The following PCDHGA9 variants were observed in gnomAD, a reference collection of about 807,000 sequenced individuals.
PCDHGA9 encodes the protein protocadherin gamma-A9.
In PCDHGA9, 37 loss-of-function variants were observed where a neutral mutation model predicts 62.5. The ratio of observed to expected loss-of-function variants is 0.59; its 90% CI spans 0.46 to 0.78. The LOEUF (loss-of-function observed/expected upper bound fraction) is 0.78, where lower values mean the gene tolerates loss of function less well. PCDHGA9 is among the 30% of genes least tolerant of loss of function. The pLI, the probability that PCDHGA9 is intolerant of heterozygous loss-of-function variation, is 0.00. For missense variants in PCDHGA9, 1,138 were observed against 1,166.2 expected, an observed-to-expected ratio of 0.98 and a Z score of 0.35; for synonymous variants, 459 against 484.6, an observed-to-expected ratio of 0.95 and a Z score of 0.69.
Position 141,486,446 on chromosome 5 carries a change from G to T in PCDHGA9, c.2425-8361G>T. ...GGCCAAATCTAGCTATGACATCATGGTCACTGCTTCTGATGCTGGGAACCC... is the reference window on the plus strand; with the variant it reads ...GGCCAAATCTAGCTATGACATCATGTTCACTGCTTCTGATGCTGGGAACCC... On this transcript the variant is annotated intron_variant, in intron 1 of 3. Coordinates refer to ENST00000573521, the MANE Select transcript of PCDHGA9 (RefSeq NM_018921.3). The surrounding 1 kb of genome is among the most constrained non-coding windows in gnomAD (Gnocchi z 5.0). 2 of 1,614,126 alleles carry T rather than the reference G, an allele frequency of 1.2e-6. No individual in the cohort carries two copies. Among genetic ancestry groups the T allele is most frequent in the Non-Finnish European group, 1.7e-6 (2 of 1,180,004 alleles).
intron 1 of PCDHGA9, among the ~76,000 whole-genome samples, chr5:141,480,259 G>A (rs1285833242): frequency 2.0e-5 from 3 of 151,174 alleles, no homozygotes; most frequent in African/African-American, 7.3e-5. Flanking sequence ...AAAAAAATGT[G>A]TTTTCATTAG....
chr5:141,460,505 A>T (rs1430823912), intron 1 of PCDHGA9, among the ~76,000 whole-genome samples: 1 of 152,150 alleles, frequency 6.6e-6, no homozygotes, highest in Non-Finnish European at 1.5e-5. Context: ...ATATGCTGAG[A>T]AGGCTATCTT....
At chr5:141,429,500 A>C (rs1050435175) in intron 1 of PCDHGA9, among the ~76,000 whole-genome samples, 1 of 152,148 alleles carries the variant, frequency 6.6e-6, no homozygotes, top group Non-Finnish European at 1.5e-5. Flanking sequence ...CAGTTGCCTG[A>C]AACTGTGCCT....
At chr5:141,475,571 G>A (rs1426547386) in intron 1 of PCDHGA9, among the ~76,000 whole-genome samples, 1 of 152,212 alleles carries the variant, frequency 6.6e-6, no homozygotes, top group East Asian at 1.9e-4. Context: ...CTTCCAACAA[G>A]CCAGATTTGT....
chr5:141,418,248 C>T (rs372067603), intron 1 of PCDHGA9: 7 of 1,613,882 alleles, frequency 4.3e-6, no homozygotes, highest in African/African-American at 1.3e-5. Flanking sequence ...AATGACCACG[C>T]CCCTCAATTC....
intron 1 of PCDHGA9, chr5:141,410,207 C>T: frequency 6.2e-7 from 1 of 1,614,024 alleles, no homozygotes; most frequent in African/African-American, 1.3e-5. Context: ...AGACAACTTG[C>T]AAGAGATACT....
Position 141,403,879 on chromosome 5 carries a change from T to C in PCDHGA9, c.927T>C (p.Tyr309=), listed in dbSNP as rs981085034. 1.2e-5 allele frequency: 19 copies of C among 1,613,692 alleles called. No homozygotes were observed. The highest frequency in any genetic ancestry group is 1.6e-5 in the Non-Finnish European group (19 of 1,179,882). The stretch of plus-strand genomic sequence containing the variant: ...TATCAACAGCAAAAAGTCTAGATTA[T>C]GAAGAATGTTCATTTTATGAAATGG... ...GEISTAKSLD[Y]EECSFYEMEI... The change falls in exon 1 of 4, where the codon TAT becomes TAC. Residue 309 remains tyrosine, a synonymous_variant. Transcript: ENST00000573521.
chr5:141,421,455 C>A (rs762490406), intron 1 of PCDHGA9: 1 of 1,614,108 alleles, frequency 6.2e-7, no homozygotes, highest in South Asian at 1.1e-5. Flanking sequence ...CACAGCTTTT[C>A]GCTGTGAATC....
At chr5:141,442,754 T>C (rs2098341364) in intron 1 of PCDHGA9, among the ~76,000 whole-genome samples, 1 of 152,220 alleles carries the variant, frequency 6.6e-6, no homozygotes, top group Non-Finnish European at 1.5e-5. Flanking sequence ...GTTTTGATTA[T>C]ATATATTTGT....
At position 141,485,291 on chromosome 5, in the gene PCDHGA9, C is replaced by A. The variant is rs114678203; in HGVS notation, c.2425-9516C>A. 436 of 1,614,150 alleles carry A rather than the reference C, an allele frequency of 2.7e-4. No homozygotes were observed. Among genetic ancestry groups the A allele is most frequent in the Middle Eastern group, 8.2e-4 (5 of 6,062 alleles). Reference sequence around the variant, plus strand: ...CCGCTACCCGGTCCCAGAGGAGTCACAGGAAGGGACTTTTGTAGGGAATGT... The same window carrying A: ...CCGCTACCCGGTCCCAGAGGAGTCAAAGGAAGGGACTTTTGTAGGGAATGT... On this transcript the variant is annotated intron_variant, in intron 1 of 3. Coordinates refer to ENST00000573521, the MANE Select transcript of PCDHGA9 (RefSeq NM_018921.3). The surrounding 1 kb of genome is among the most constrained non-coding windows in gnomAD (Gnocchi z 5.7).
At chr5:141,494,188 T>C (rs2099752632) in intron 1 of PCDHGA9, among the ~76,000 whole-genome samples, 1 of 152,186 alleles carries the variant, frequency 6.6e-6, no homozygotes, top group South Asian at 2.1e-4. Flanking sequence ...GTCCCGGGAC[T>C]TGGATGCCCC....
Position 141,477,447 on chromosome 5 carries a change from G to T in PCDHGA9, c.2425-17360G>T, listed in dbSNP as rs779097830. The T allele has an allele frequency of 6.2e-7, 1 of 1,614,098 alleles. No homozygotes were observed. Among genetic ancestry groups the T allele is most frequent in the Non-Finnish European group, 8.5e-7 (1 of 1,180,016 alleles). ...TCCCTCTCAGCCCTTACAATAGTGCGTGTTCAAGTGTCCGACATCAATGAC... is the reference window on the plus strand; with the variant it reads ...TCCCTCTCAGCCCTTACAATAGTGCTTGTTCAAGTGTCCGACATCAATGAC... On this transcript the variant is annotated intron_variant, in intron 1 of 3. Coordinates refer to ENST00000573521, the MANE Select transcript of PCDHGA9 (RefSeq NM_018921.3). This position sits in a 1 kb window ranked among gnomAD's most constrained non-coding sequence, Gnocchi z 4.9.
chr5:141,425,897 A>G (rs893972047), intron 1 of PCDHGA9, among the ~76,000 whole-genome samples: 1 of 152,240 alleles, frequency 6.6e-6, no homozygotes, highest in African/African-American at 2.4e-5. Context: ...TTTGGTAGTA[A>G]ACACTGGAAA....
intron 1 of PCDHGA9, among the ~76,000 whole-genome samples, chr5:141,468,791 G>A (rs941787269): frequency 2.6e-5 from 4 of 151,954 alleles, no homozygotes; most frequent in East Asian, 3.9e-4. Context: ...GCGTGAACCC[G>A]GGAGGCGGAA....
At chr5:141,457,098 T>G (rs1179930043) in intron 1 of PCDHGA9, among the ~76,000 whole-genome samples, 1 of 152,242 alleles carries the variant, frequency 6.6e-6, no homozygotes, top group Non-Finnish European at 1.5e-5. Flanking sequence ...AGGATACTAA[T>G]TAAGCAAAAT....
chr5:141,500,345 A>G (rs1459262760), intron 2 of PCDHGA9, among the ~76,000 whole-genome samples: 3 of 151,916 alleles, frequency 2.0e-5, no homozygotes, highest in Non-Finnish European at 4.4e-5. Context: ...AATAGCTGGG[A>G]CTACAGGCGC....
rs2094523935 is a variant in PCDHGA9 at position 141,404,396 on chromosome 5, A to C, written c.1444A>C (p.Asn482His). 1.2e-6 allele frequency: 2 copies of C among 1,613,816 alleles called. No homozygotes were observed. Among genetic ancestry groups the C allele is most frequent in the Non-Finnish European group, 1.7e-6 (2 of 1,179,864 alleles). The change falls in exon 1 of 4, where the codon AAT (asparagine) becomes CAT (histidine). Residue 482 changes from asparagine to histidine, a missense_variant. Physicochemically the swap from Asn to His is moderately conservative, Grantham distance 68. Coordinates refer to ENST00000573521, the MANE Select transcript of PCDHGA9 (RefSeq NM_018921.3). The stretch of plus-strand genomic sequence containing the variant: ...CGTGATTGCCTATGACCCTGATAGC[A>C]ATGAGAATTCTAGAGTTATTTACTC... Reference protein sequence around the residue: ...FSVIAYDPDSNENSRVIYSLA... With the variant: ...FSVIAYDPDSHENSRVIYSLA...
chr5:141,422,172 C>A, intron 1 of PCDHGA9: 2 of 1,564,780 alleles, frequency 1.3e-6, no homozygotes, highest in Non-Finnish European at 1.7e-6. Context: ...AATATAGATT[C>A]TATGAGATGG....
At chr5:141,483,273 T>G (rs6860615) in intron 1 of PCDHGA9, among the ~76,000 whole-genome samples, 62,442 of 151,936 alleles carry the variant, frequency 0.41, 15,417 homozygotes, top group African/African-American at 0.7. Flanking sequence ...GTTTTAGAAA[T>G]ATTATTCTGT....
Sources: gnomAD v4.1 joint callset for allele counts (sites outside exome capture counted in the v4.1 genomes callset) on GRCh38, gnomAD v4.1.1 for gene constraint, Gnocchi (gnomAD v3.1) non-coding constraint, MANE v1.5 for transcripts, NCBI Gene and HGNC (gene_info 2026-07-23, HGNC 2026-07-21) for gene names.